Variants in NUFIP1 observed in about 807,000 individuals in gnomAD.
NUFIP1 encodes the protein nuclear FMR1 interacting protein 1.
In NUFIP1, 38 loss-of-function variants were observed where a neutral mutation model predicts 56.2. The observed-to-expected ratio is 0.68, with a 90% CI of 0.52 to 0.89. The LOEUF is 0.89. Ranked by LOEUF, NUFIP1 falls within the 40% of genes least tolerant of loss-of-function variation. NUFIP1 has a pLI of 0.00. For missense variants in NUFIP1, 567 were observed against 605.8 expected, an observed-to-expected ratio of 0.94 and a Z score of 0.67; for synonymous variants, 215 against 212.4, an observed-to-expected ratio of 1.01 and a Z score of -0.10.
At chr13:44,986,332 A>G (rs1872389768) in intron 1 of NUFIP1, among the ~76,000 whole-genome samples, 1 of 152,208 alleles carries the variant, frequency 6.6e-6, no homozygotes. Context: ...GACGATTTTG[A>G]GGAATTCAAG....
chr13:44,957,435 C>T (rs967787515), intron 7 of NUFIP1, among the ~76,000 whole-genome samples: 4 of 152,176 alleles, frequency 2.6e-5, no homozygotes, highest in African/African-American at 9.7e-5. Context: ...TAGTCGTGAA[C>T]TCCTGACTTC....
chr13:44,964,765 A>T (rs1871542534), intron 6 of NUFIP1, among the ~76,000 whole-genome samples: 1 of 151,956 alleles, frequency 6.6e-6, no homozygotes, highest in East Asian at 1.9e-4. Context: ...CCTCATCTTC[A>T]CTCCGAGTCA....
chr13:44,965,291 C>T lies in NUFIP1; in HGVS notation c.827+553G>A, dbSNP rs562979527. ...CCCCAGCCACGTGGAACTGTAAGTCCAGTTAAACCTCTTTCTTTTGTAAAT... is the reference window on the plus strand; with the variant it reads ...CCCCAGCCACGTGGAACTGTAAGTCTAGTTAAACCTCTTTCTTTTGTAAAT... On this transcript the variant is annotated intron_variant, in intron 6 of 9. Coordinates refer to ENST00000379161, the MANE Select transcript of NUFIP1 (RefSeq NM_012345.3). Among the ~76,000 whole-genome samples the T allele has an allele frequency of 2.6e-5, 4 of 152,332 alleles. 1 individual carries two copies. The highest frequency in any genetic ancestry group is 9.6e-5 in the African/African-American group (4 of 41,582).
rs1249976675 is a variant in NUFIP1, at chr13:44,943,536, C to T, written c.1277G>A (p.Ser426Asn). Residue 426 changes from serine to asparagine, a missense_variant, in exon 9 of 10, where the codon AGC becomes AAC. By Grantham distance (46) the Ser-to-Asn change is conservative. Transcript: ENST00000379161. ...CCTCTTAGGGTTTGTTTTTTCAAAG[C>T]TTTTCTTTCGGTTCTCACTCTTGGC... is the stretch of plus-strand genomic sequence containing the variant. ...SEAKSENRKK[S>N]FEKTNPKRKK... 6 of 1,614,074 alleles carry T rather than the reference C, an allele frequency of 3.7e-6. No individual in the cohort carries two copies. The South Asian group carries it at 4.4e-5, about 12-fold the overall frequency.
At chr13:44,966,457 G>A (rs1871605166) in intron 5 of NUFIP1, among the ~76,000 whole-genome samples, 1 of 151,982 alleles carries the variant, frequency 6.6e-6, no homozygotes, top group East Asian at 2.0e-4. Context: ...TGGGATTACA[G>A]ACACCTGCCA....
At position 44,989,286 on chromosome 13, in the gene NUFIP1, T is replaced by A. The variant is rs772210679; in HGVS notation, c.151A>T (p.Thr51Ser). 90 of 1,613,442 alleles carry A rather than the reference T, an allele frequency of 5.6e-5. 3 individuals are homozygous for A. The South Asian group carries it at 9.9e-4, about 18-fold the overall frequency. The part of the protein sequence containing the change: ...AMLPPPPPPL[T>S]SSLPAAGSKP... The stretch of plus-strand genomic sequence containing the variant: ...GACCCGGCTGCGGGAAGCGAGGACG[T>A]AAGTGGTGGTGGCGGTGGCGGCAGC... The change falls in exon 1 of 10, where the codon ACG (threonine) becomes TCG (serine). Residue 51 changes from threonine (T) to serine (S), a missense_variant. Transcript: ENST00000379161.
chr13:44,976,092 C>T (rs923270801), intron 5 of NUFIP1, among the ~76,000 whole-genome samples: 2 of 152,032 alleles, frequency 1.3e-5, no homozygotes, highest in African/African-American at 4.8e-5. Flanking sequence ...GTTGAACCAA[C>T]CTCTAACTGA....
At chr13:44,941,399 C>T (rs769268728) in intron 9 of NUFIP1, 77 bp from the exon 10 acceptor site, 27 of 767,706 alleles carry the variant, frequency 3.5e-5, no homozygotes, top group Non-Finnish European at 5.9e-5. Context: ...ATTGCATGTA[C>T]CCTCACCATA....
At chr13:44,967,249 A>C (rs1194638485) in intron 5 of NUFIP1, among the ~76,000 whole-genome samples, 1 of 151,932 alleles carries the variant, frequency 6.6e-6, no homozygotes, top group Non-Finnish European at 1.5e-5. Context: ...AAAGTGAAAG[A>C]GGCCGGGTGT....
chr13:44,948,511 C>T (rs766720040), intron 8 of NUFIP1, among the ~76,000 whole-genome samples: 3 of 152,184 alleles, frequency 2.0e-5, no homozygotes, highest in South Asian at 2.1e-4. Context: ...TTATTCTCAG[C>T]ACAGCTCCTA....
chr13:44,964,029 C>A (rs1223822451), intron 6 of NUFIP1, among the ~76,000 whole-genome samples: 4 of 152,176 alleles, frequency 2.6e-5, no homozygotes, highest in Non-Finnish European at 5.9e-5. Flanking sequence ...AGTGCTGGAT[C>A]AACTGTAATT....
chr13:44,956,492 T>C (rs770105649), intron 7 of NUFIP1, among the ~76,000 whole-genome samples: 1 of 152,178 alleles, frequency 6.6e-6, no homozygotes, highest in Non-Finnish European at 1.5e-5. Flanking sequence ...TACATTGTAA[T>C]ATATAAAATA....
At chr13:44,947,075 T>C (rs993352932) in intron 8 of NUFIP1, among the ~76,000 whole-genome samples, 1 of 152,166 alleles carries the variant, frequency 6.6e-6, no homozygotes, top group African/African-American at 2.4e-5. Context: ...TCCTTTGTTA[T>C]CTATAAAAGA....
intron 5 of NUFIP1, among the ~76,000 whole-genome samples, 153 bp from the exon 6 acceptor site, chr13:44,966,089 A>G (rs1462722416): frequency 1.3e-5 from 2 of 152,188 alleles, no homozygotes; most frequent in African/African-American, 4.8e-5. Flanking sequence ...AAGAGGGAAA[A>G]AAGTACTTAT....
At position 44,978,262 on chromosome 13, in the gene NUFIP1, G is replaced by A. The variant is rs549145592; in HGVS notation, c.734+928C>T. Among the ~76,000 whole-genome samples the A allele has an allele frequency of 1.1e-4, 16 of 152,258 alleles. No homozygotes were observed. In the East Asian group the frequency reaches 1.2e-3, roughly 11 times the overall value. On this transcript the variant is annotated intron_variant, in intron 5 of 9. Transcript: ENST00000379161. ...GTACATCTGGCACATCACCACCCAC[G>A]ACAGTGGATTTAAAGTGAACCTTAA...
At chr13:44,952,515 C>G (rs1871116049) in intron 7 of NUFIP1, among the ~76,000 whole-genome samples, 1 of 152,160 alleles carries the variant, frequency 6.6e-6, no homozygotes, top group Non-Finnish European at 1.5e-5. Flanking sequence ...GTATTCTTCA[C>G]AATCCAATTC....
chr13:44,951,999 A>G (rs768036862), intron 7 of NUFIP1, among the ~76,000 whole-genome samples: 1 of 152,174 alleles, frequency 6.6e-6, no homozygotes, highest in Non-Finnish European at 1.5e-5. Flanking sequence ...TCCCTTAGGT[A>G]TCAGCCTCGC....
At chr13:44,978,325 A>T (rs758091333) in intron 5 of NUFIP1, among the ~76,000 whole-genome samples, 6 of 152,200 alleles carry the variant, frequency 3.9e-5, no homozygotes, top group Non-Finnish European at 7.3e-5. Flanking sequence ...CCTGCTGCTC[A>T]TAAGAGTCTG....
chr13:44,948,778 A>T (rs1213657114), intron 8 of NUFIP1, among the ~76,000 whole-genome samples: 5 of 152,180 alleles, frequency 3.3e-5, no homozygotes, highest in African/African-American at 1.2e-4. Flanking sequence ...ATCACAATTA[A>T]ATTTCACAAT....
Sources: allele counts gnomAD v4.1 joint callset (sites outside exome capture counted in the v4.1 genomes callset), GRCh38; gene constraint gnomAD v4.1.1; transcripts MANE v1.5; gene names NCBI Gene and HGNC (gene_info 2026-07-23, HGNC 2026-07-21).